OLA1: variants seen among roughly 807,000 people sequenced by gnomAD.
The protein encoded by OLA1 is obg-like ATPase 1.
In OLA1, 14 loss-of-function variants were observed where a neutral mutation model predicts 48.4. The ratio of observed to expected loss-of-function variants is 0.29; its 90% CI spans 0.19 to 0.45. The LOEUF (loss-of-function observed/expected upper bound fraction) is 0.45. OLA1 is among the 20% of genes least tolerant of loss of function. The pLI is 1.00. For missense variants in OLA1, 325 were observed against 467.1 expected (o/e 0.70, Z 2.80); for synonymous variants, 127 against 150.4 (o/e 0.84, Z 1.14).
chr2:174,121,885 C>T (rs1001585509), intron 7 of OLA1, among the ~76,000 whole-genome samples: 2 of 152,158 alleles, frequency 1.3e-5, no homozygotes, highest in Admixed American at 6.5e-5. Context: ...TGACTCATCC[C>T]TTTTCATGTA....
intron 7 of OLA1, among the ~76,000 whole-genome samples, chr2:174,084,055 T>TTA (rs1238528883): frequency 6.6e-6 from 1 of 152,236 alleles, no homozygotes; most frequent in Non-Finnish European, 1.5e-5. Context: ...GAATAAAGAC[T>TTA]TACAAATCAT....
Position 174,081,136 on chromosome 2 carries a change from T to G in OLA1, c.966+16A>C, listed in dbSNP as rs773799182. On this transcript the variant is annotated intron_variant, in intron 9 of 10. Transcript: ENST00000284719. ...TGTGGAACTGGATATAGCTGATGAA[T>G]AAGTATGAATCTTACCCTGATGGTC... 1 of 1,596,560 alleles carries G rather than the reference T, an allele frequency of 6.3e-7. No individual in the cohort carries two copies. Among genetic ancestry groups the G allele is most frequent in the Non-Finnish European group, 8.6e-7 (1 of 1,164,500 alleles).
chr2:174,230,855 G>A (rs1474280752), intron 2 of OLA1, among the ~76,000 whole-genome samples: 3 of 152,140 alleles, frequency 2.0e-5, no homozygotes, highest in African/African-American at 4.8e-5. Flanking sequence ...GGATACAGAA[G>A]GCATCTGTTT....
intron 2 of OLA1, among the ~76,000 whole-genome samples, chr2:174,229,915 A>T (rs1688691767): frequency 6.6e-6 from 1 of 152,186 alleles, no homozygotes; most frequent in African/African-American, 2.4e-5. Context: ...ATCTGATAGG[A>T]AATGGGAGGT....
intron 4 of OLA1, among the ~76,000 whole-genome samples, chr2:174,151,453 G>A (rs989770889): frequency 1.3e-5 from 2 of 152,034 alleles, no homozygotes; most frequent in African/African-American, 2.4e-5. Context: ...TTTGTCCTAC[G>A]CGTTAACAGT....
chr2:174,099,085 C>G (rs1416437878), intron 7 of OLA1, among the ~76,000 whole-genome samples: 1 of 152,008 alleles, frequency 6.6e-6, no homozygotes, highest in Non-Finnish European at 1.5e-5. Flanking sequence ...TGTAGAGTTG[C>G]AAATACCATA....
chr2:174,234,929 C>T (rs991926058), intron 2 of OLA1, among the ~76,000 whole-genome samples: 3 of 152,122 alleles, frequency 2.0e-5, no homozygotes, highest in Admixed American at 6.5e-5. Flanking sequence ...AAGGCAGAGG[C>T]GGGCAGATCA....
chr2:174,081,964 C>T lies in OLA1; in HGVS notation c.829G>A (p.Glu277Lys). Residue 277 changes from glutamate (E) to lysine (K), a missense_variant, in exon 8 of 11, where the codon GAG (glutamate) becomes AAG (lysine). Physicochemically the swap from Glu to Lys is moderately conservative, Grantham distance 56 (BLOSUM62 1). Transcript: ENST00000284719. ...GCTTCCAGATACTTCTGTCTCTCCT[C>T]AGCACTCAATTCTTGCAACTTGAGT... ...LELKLQELSA[E>K]ERQKYLEANM... The T allele has an allele frequency of 6.2e-7, 1 of 1,613,078 alleles. No individual in the cohort carries two copies. Among genetic ancestry groups the T allele is most frequent in the Non-Finnish European group, 8.5e-7 (1 of 1,179,488 alleles).
chr2:174,184,009 T>C (rs557257587), intron 4 of OLA1, among the ~76,000 whole-genome samples: 1 of 152,178 alleles, frequency 6.6e-6, no homozygotes, highest in Non-Finnish European at 1.5e-5. Flanking sequence ...CTATACTCCA[T>C]GCAACTAAAG....
At chr2:174,076,952 TTGACA>T (rs1373868736) in intron 10 of OLA1, among the ~76,000 whole-genome samples, 5 of 152,082 alleles carry the variant, frequency 3.3e-5, no homozygotes, top group East Asian at 3.9e-4. Context: ...CAAGTACATA[TTGACA>T]TGACATATTA....
chr2:174,133,662 A>G (rs1686235543), intron 5 of OLA1, among the ~76,000 whole-genome samples: 7 of 152,196 alleles, frequency 4.6e-5, no homozygotes, highest in Admixed American at 4.6e-4. Flanking sequence ...AATACTTTCA[A>G]CTTATGGTGT....
At chr2:174,223,765 C>CAAAAAAAAAAAAAAAAAAA (rs71021680) in intron 3 of OLA1, among the ~76,000 whole-genome samples, 1 of 73,344 alleles carries the variant, frequency 1.4e-5, no homozygotes, top group Non-Finnish European at 2.6e-5. Context: ...GTTATATAGA[C>CAAAAAAAAAAAAAAAAAAA]AAAAAAAAAA....
chr2:174,188,867 A>T (rs1687714114), intron 4 of OLA1, among the ~76,000 whole-genome samples: 1 of 152,238 alleles, frequency 6.6e-6, no homozygotes, highest in African/African-American at 2.4e-5. Flanking sequence ...ATATCTCATT[A>T]TGTATATGCA....
chr2:174,222,428 C>A (rs1688526119), intron 4 of OLA1, among the ~76,000 whole-genome samples: 2 of 152,090 alleles, frequency 1.3e-5, no homozygotes, highest in African/African-American at 4.8e-5. Context: ...ACACAAAGTA[C>A]AGCCTTGACC....
chr2:174,223,171 A>G lies in OLA1; in HGVS notation c.246-11T>C, dbSNP rs778861895. 6.2e-7 allele frequency: 1 copy of G among 1,613,006 alleles called. No homozygotes were observed. The highest frequency in any genetic ancestry group is 8.5e-7 in the Non-Finnish European group (1 of 1,179,376). On this transcript the variant is annotated splice_polypyrimidine_tract_variant and intron_variant, in intron 3 of 10. Transcript: ENST00000284719. ...AAGGCAGGAATTTTGCTGAAAAACA[A>G]AAGATGGCTTTATTATAAAACAGTA...
intron 7 of OLA1, among the ~76,000 whole-genome samples, chr2:174,095,940 TATA>T (rs1251972755): frequency 2.6e-5 from 4 of 151,998 alleles, no homozygotes; most frequent in East Asian, 1.9e-4. Context: ...AACATAAAAA[TATA>T]ATAATATAGC....
At chr2:174,077,345 C>G (rs2105336867) in intron 10 of OLA1, among the ~76,000 whole-genome samples, 1 of 151,852 alleles carries the variant, frequency 6.6e-6, no homozygotes, top group Non-Finnish European at 1.5e-5. Flanking sequence ...TACATACATA[C>G]ATACATACAT....
chr2:174,135,160 CAA>C (rs71405180), intron 5 of OLA1, among the ~76,000 whole-genome samples: 20 of 85,986 alleles, frequency 2.3e-4, no homozygotes, highest in Admixed American at 5.3e-4. Context: ...ACTCCGCCTC[CAA>C]AAAAAAAAAA....
intron 9 of OLA1, among the ~76,000 whole-genome samples, chr2:174,079,614 T>C (rs1684817422): frequency 1.3e-5 from 2 of 151,880 alleles, no homozygotes; most frequent in East Asian, 3.9e-4. Context: ...TTTTTGAACA[T>C]TTTGCATAAT....
Sources: allele counts gnomAD v4.1 joint callset (sites outside exome capture counted in the v4.1 genomes callset), GRCh38; gene constraint gnomAD v4.1.1; transcripts MANE v1.5; gene names NCBI Gene and HGNC (gene_info 2026-07-23, HGNC 2026-07-21).